MOGAT1: variants seen among roughly 807,000 people sequenced by gnomAD.
The protein encoded by MOGAT1 is 2-acylglycerol O-acyltransferase 1.
Under a neutral mutation model 31.4 loss-of-function variants are expected in MOGAT1, and 32 were observed. The ratio of observed to expected loss-of-function variants is 1.02; its 90% CI spans 0.77 to 1.37. MOGAT1 has a LOEUF of 1.37. MOGAT1 is among the 40% of genes most tolerant of loss of function. MOGAT1 has a pLI of 0.00. For missense variants in MOGAT1, 426 were observed against 402.0 expected, an observed-to-expected ratio of 1.06 and a Z score of -0.51; for synonymous variants, 145 against 144.5, an observed-to-expected ratio of 1.00 and a Z score of -0.03.
At chr2:222,701,772 A>G (rs1312791035) in intron 5 of MOGAT1, among the ~76,000 whole-genome samples, 2 of 152,140 alleles carry the variant, frequency 1.3e-5, no homozygotes, top group Non-Finnish European at 2.9e-5. Context: ...AGCGCTGGCC[A>G]CATAGAGATT....
At chr2:222,701,295 AG>A (rs1340706906) in intron 5 of MOGAT1, among the ~76,000 whole-genome samples, 26 of 102,802 alleles carry the variant, frequency 2.5e-4, no homozygotes, top group Admixed American at 1.7e-3. Context: ...AGAGAGGAGG[AG>A]GAGGAGAGAG....
chr2:222,701,274 A>AAGAG (rs1199244447), intron 5 of MOGAT1, among the ~76,000 whole-genome samples: 4 of 121,110 alleles, frequency 3.3e-5, no homozygotes, highest in East Asian at 2.0e-4. Flanking sequence ...AAGAGAGAAA[A>AAGAG]AGAGAGAGAG....
chr2:222,689,652 AAC>A (rs1432854015), intron 3 of MOGAT1, among the ~76,000 whole-genome samples, 183 bp downstream of exon 3: 2 of 152,232 alleles, frequency 1.3e-5, no homozygotes, highest in Non-Finnish European at 2.9e-5. Flanking sequence ...AAGTGGCAGA[AAC>A]ACAAACTGTG....
chr2:222,674,825 C>A (rs1692471765), intron 1 of MOGAT1, among the ~76,000 whole-genome samples: 1 of 151,972 alleles, frequency 6.6e-6, no homozygotes, highest in African/African-American at 2.4e-5. Flanking sequence ...AAAACTACAC[C>A]TTTTTTCTTG....
chr2:222,684,855 G>A (rs34564625), intron 1 of MOGAT1, among the ~76,000 whole-genome samples: 22,553 of 152,032 alleles, frequency 0.15, 1,885 homozygotes, highest in East Asian at 0.31. Context: ...GATTGCAAGC[G>A]TGAGCCACCG....
intron 1 of MOGAT1, among the ~76,000 whole-genome samples, chr2:222,675,992 G>A (rs1692491594): frequency 1.3e-5 from 2 of 152,052 alleles, no homozygotes; most frequent in African/African-American, 4.8e-5. Context: ...CAAAATCCCA[G>A]AATGCATTTT....
chr2:222,685,663 C>T (rs1007667034), intron 1 of MOGAT1, among the ~76,000 whole-genome samples: 13 of 139,176 alleles, frequency 9.3e-5, no homozygotes, highest in Admixed American at 2.3e-4. Flanking sequence ...TGCAATGGTG[C>T]GATCTCGGCT....
chr2:222,700,920 A>C (rs1353386955), intron 5 of MOGAT1, among the ~76,000 whole-genome samples: 1 of 152,218 alleles, frequency 6.6e-6, no homozygotes. Context: ...AACATCTCAG[A>C]GCGGCAAGTT....
intron 1 of MOGAT1, among the ~76,000 whole-genome samples, chr2:222,682,273 C>T (rs975079376): frequency 1.1e-4 from 17 of 152,178 alleles, no homozygotes; most frequent in Admixed American, 7.2e-4. Context: ...TAATCAAAAT[C>T]CTACTATCAT....
intron 1 of MOGAT1, among the ~76,000 whole-genome samples, chr2:222,685,956 G>A (rs1452196282): frequency 6.6e-6 from 1 of 152,144 alleles, no homozygotes; most frequent in Admixed American, 6.6e-5. Context: ...TATGCAGCAT[G>A]TATTCAGGTA....
intron 3 of MOGAT1, among the ~76,000 whole-genome samples, chr2:222,690,880 A>G (rs1692749503): frequency 6.6e-6 from 1 of 152,232 alleles, no homozygotes; most frequent in South Asian, 2.1e-4. Context: ...ACATTGTGTT[A>G]GAGTTTTATA....
intron 5 of MOGAT1, among the ~76,000 whole-genome samples, chr2:222,698,461 C>T (rs573587075): frequency 6.6e-6 from 1 of 152,254 alleles, no homozygotes; most frequent in Non-Finnish European, 1.5e-5. Flanking sequence ...GACCCTATCT[C>T]GGAAATGCTG....
At chr2:222,686,682 A>G (rs1692673917) in intron 1 of MOGAT1, among the ~76,000 whole-genome samples, 1 of 152,180 alleles carries the variant, frequency 6.6e-6, no homozygotes. Flanking sequence ...TACCCCACAG[A>G]GGTGTGGAGG....
At chr2:222,683,965 C>A (rs181290794) in intron 1 of MOGAT1, among the ~76,000 whole-genome samples, 153 of 152,286 alleles carry the variant, frequency 1.0e-3, no homozygotes, top group African/African-American at 3.5e-3. Context: ...ACAGCGTAGA[C>A]CTTTGTATCT....
intron 5 of MOGAT1, among the ~76,000 whole-genome samples, chr2:222,700,531 C>A (rs527980586): frequency 1.3e-5 from 2 of 152,260 alleles, no homozygotes; most frequent in East Asian, 1.9e-4. Context: ...TTGTTTCAAA[C>A]GTTTAAAAAC....
At chr2:222,700,500 A>G (rs777457198) in intron 5 of MOGAT1, among the ~76,000 whole-genome samples, 3 of 152,238 alleles carry the variant, frequency 2.0e-5, no homozygotes, top group Non-Finnish European at 2.9e-5. Flanking sequence ...AGTAGTCTGT[A>G]TCATCCTCAA....
intron 5 of MOGAT1, among the ~76,000 whole-genome samples, chr2:222,708,945 G>A (rs1693070651): frequency 6.6e-6 from 1 of 152,068 alleles, no homozygotes; most frequent in African/African-American, 2.4e-5. Flanking sequence ...TCAGTTACCC[G>A]CTATTACAAA....
At chr2:222,695,313 T>C in intron 5 of MOGAT1, 25 bp downstream of exon 5, 1 of 1,495,978 alleles carries the variant, frequency 6.7e-7, no homozygotes, top group Non-Finnish European at 9.2e-7. Flanking sequence ...TAACTACAAC[T>C]ATTAGCTTAC....
intron 5 of MOGAT1, among the ~76,000 whole-genome samples, chr2:222,707,900 C>T (rs1693030596): frequency 6.6e-6 from 1 of 152,174 alleles, no homozygotes; most frequent in Non-Finnish European, 1.5e-5. Context: ...CCTACTCTTA[C>T]TGACATGAAT....
Sources: allele counts gnomAD v4.1 joint callset (sites outside exome capture counted in the v4.1 genomes callset), GRCh38; gene constraint gnomAD v4.1.1; transcripts MANE v1.5; gene names NCBI Gene and HGNC (gene_info 2026-07-23, HGNC 2026-07-21).